HNRNPH1: variants seen among roughly 807,000 people sequenced by gnomAD.
HNRNPH1 encodes the protein heterogeneous nuclear ribonucleoprotein H1.
Under a neutral mutation model 58.6 loss-of-function variants are expected in HNRNPH1, and 4 were observed. That is an observed-to-expected ratio of 0.07 (90% CI 0.03 to 0.16). HNRNPH1 has a LOEUF of 0.16. HNRNPH1 is among the 10% of genes least tolerant of loss of function. The pLI is 1.00. For synonymous variants in HNRNPH1, 192 were observed against 189.2 expected (o/e 1.01, Z -0.12); for missense variants, 271 against 564.2 (o/e 0.48, Z 5.26).
chr5:179,618,422 G>A, intron 4 of HNRNPH1, 99 bp from the exon 6 acceptor site: 1 of 771,088 alleles, frequency 1.3e-6, no homozygotes, highest in East Asian at 2.6e-5. Flanking sequence ...TCTAGTCATA[G>A]CCATGAAACT....
At chr5:179,626,148 G>A (rs1354864119), upstream of HNRNPH1, among the ~76,000 whole-genome samples, 1 of 151,940 alleles carries the variant, frequency 6.6e-6, no homozygotes, top group Non-Finnish European at 1.5e-5. Context: ...CTGTCACCCA[G>A]GCTGGAGTAC....
chr5:179,628,490 T>A (rs28651733), upstream of HNRNPH1, among the ~76,000 whole-genome samples: 150,906 of 152,246 alleles, frequency 0.99, 74,809 homozygotes, highest in East Asian at 1. Context: ...AGTAGCTGGG[T>A]TTACAGGTGC....
chr5:179,620,809 G>A, intron 3 of HNRNPH1, 83 bp downstream of exon 4: 2 of 1,198,756 alleles, frequency 1.7e-6, no homozygotes, highest in Non-Finnish European at 2.4e-6. Flanking sequence ...AAATACCTAA[G>A]CTACTCAACT....
At chr5:179,623,265 GGGCGGATGCACCCACCCC>G in exon 1 of HNRNPH1, 1 of 550,250 alleles carries the variant, frequency 1.8e-6, no homozygotes, top group Non-Finnish European at 3.3e-6. Flanking sequence ...AGCAAAAACC[GGGCGGATGCACCCACCCC>G]GGCGACTCCA....
At chr5:179,626,574 G>A (rs1273714551), upstream of HNRNPH1, among the ~76,000 whole-genome samples, 1 of 151,136 alleles carries the variant, frequency 6.6e-6, no homozygotes, top group Non-Finnish European at 1.5e-5. Flanking sequence ...AAAGTAGCCG[G>A]GCATGGTGTC....
Position 179,633,205 on chromosome 5 carries a change from T to G in HNRNPH1, c.-32+860A>C, listed in dbSNP as rs570734418. Among the ~76,000 whole-genome samples, 6 of 151,942 alleles carry G rather than the reference T, an allele frequency of 3.9e-5. No individual in the cohort carries two copies. The East Asian group carries it at 9.8e-4, about 25-fold the overall frequency. On this transcript the variant is annotated intron_variant, in intron 2 of 4. Coordinates refer to the HNRNPH1 transcript ENST00000521116. ...TGGGGTTTCACCATGTTGGTCATGC[T>G]GGTGTTGAACTCCAGAGATCAGGTA...
chr5:179,631,492 T>A (rs1020239504), intron 2 of HNRNPH1, among the ~76,000 whole-genome samples: 2 of 151,910 alleles, frequency 1.3e-5, no homozygotes, highest in Non-Finnish European at 2.9e-5. Flanking sequence ...ACACCTGTAA[T>A]CCTAGCACTT....
chr5:179,614,992 A>G lies in HNRNPH1; in HGVS notation c.*1-33T>C, dbSNP rs1000209177. On this transcript the variant is annotated intron_variant, in intron 12 of 12. Transcript: ENST00000356731. ...GAGATCAATTTGACAAGTTAGGAGT[A>G]ATATCAGACTACCAGTCAAATAAAA... 21 of 1,188,340 alleles carry G rather than the reference A, an allele frequency of 1.8e-5. No homozygotes were observed. The Admixed American group carries it at 4.2e-4, about 24-fold the overall frequency. The allele number at this position is 1,188,340 out of a possible 1,614,324, so 73.6% of individuals were successfully genotyped here.
intron 8 of HNRNPH1, 168 bp from the exon 10 acceptor site, chr5:179,617,278 T>TA (rs746981181): frequency 5.3e-6 from 4 of 750,758 alleles, no homozygotes; most frequent in Non-Finnish European, 8.7e-6. Context: ...ATCTAGCCTT[T>TA]ACATATTCAT....
chr5:179,616,362 T>C, intron 10 of HNRNPH1, 144 bp from the exon 12 acceptor site: 1 of 684,192 alleles, frequency 1.5e-6, no homozygotes, highest in Non-Finnish European at 2.6e-6. Flanking sequence ...CTACTGTCTA[T>C]AACCAGGCCA....
At position 179,618,081 on chromosome 5, in the gene HNRNPH1, A is replaced by C. The variant is rs567749303; in HGVS notation, c.716-21T>G. 1.7e-5 allele frequency: 27 copies of C among 1,613,656 alleles called. No homozygotes were observed. In the South Asian group the frequency reaches 1.8e-4, roughly 10 times the overall value. On this transcript the variant is annotated intron_variant, in intron 5 of 12. Coordinates refer to ENST00000356731, the Ensembl canonical transcript of HNRNPH1. Reference sequence around the variant, plus strand: ...ATAGCCTGAAAGACAAAGTACAATCAATCAAATAAAACACCTAGACAAAGG... The same window carrying C: ...ATAGCCTGAAAGACAAAGTACAATCCATCAAATAAAACACCTAGACAAAGG...
chr5:179,623,185 G>A (rs764039580), exon 1 of HNRNPH1: 15 of 1,373,196 alleles, frequency 1.1e-5, no homozygotes, highest in African/African-American at 5.8e-5. Context: ...GGGAGGACCA[G>A]AACTGAGAGC....
intron 11 of HNRNPH1, 66 bp from the exon 13 acceptor site, chr5:179,615,661 A>G (rs1250362511): frequency 3.7e-6 from 3 of 801,402 alleles, no homozygotes; most frequent in African/African-American, 1.8e-5. Context: ...CCAATTGAAA[A>G]AAAATAAATA....
At position 179,621,214 on chromosome 5, in the gene HNRNPH1, A is replaced by G. The variant is rs777129067; in HGVS notation, c.253+28T>C. On this transcript the variant is annotated intron_variant, in intron 2 of 12. Transcript: ENST00000356731. ...ACCTCTATTGTTTAATGCTTTATTT[A>G]CTGTAACTAGGGCAATGTAAATCAA... 1.2e-5 allele frequency: 20 copies of G among 1,603,696 alleles called. 1 individual carries two copies. The South Asian group carries it at 2.0e-4, about 16-fold the overall frequency.
At chr5:179,614,803 A>AT in exon 13 of HNRNPH1, 1 of 981,274 alleles carries the variant, frequency 1.0e-6, no homozygotes, top group Non-Finnish European at 1.5e-6. Context: ...AAAAAAAAAA[A>AT]AAAGGTTGAC....
intron 2 of HNRNPH1, among the ~76,000 whole-genome samples, chr5:179,631,300 T>G (rs1406592252): frequency 6.6e-6 from 1 of 151,906 alleles, no homozygotes; most frequent in East Asian, 1.9e-4. Flanking sequence ...ATGGCGATCA[T>G]GAAAAAAAAA....
chr5:179,617,800 T>C (rs1770520162), exon 7 of HNRNPH1: 4 of 1,613,770 alleles, frequency 2.5e-6, no homozygotes, highest in South Asian at 1.1e-5. Flanking sequence ...CACACTTACA[T>C]TATAAATGTC....
At chr5:179,621,491 A>G (rs1214640771) in intron 1 of HNRNPH1, 94 bp from the exon 3 acceptor site, 10 of 1,050,884 alleles carry the variant, frequency 9.5e-6, no homozygotes, top group African/African-American at 6.4e-5. Flanking sequence ...CCCACTACAA[A>G]TTACATAACT....
At chr5:179,628,861 A>G (rs1318828065), upstream of HNRNPH1, among the ~76,000 whole-genome samples, 1 of 152,058 alleles carries the variant, frequency 6.6e-6, no homozygotes. Context: ...TACGTCTGTA[A>G]TCCCAGCTAC....
Sources: gnomAD v4.1 joint callset for allele counts (sites outside exome capture counted in the v4.1 genomes callset) on GRCh38, gnomAD v4.1.1 for gene constraint, MANE v1.5 for transcripts, NCBI Gene and HGNC (gene_info 2026-07-23, HGNC 2026-07-21) for gene names.